Variants in NEK11 observed in about 807,000 individuals in gnomAD.
The protein encoded by NEK11 is serine/threonine-protein kinase Nek11.
Under a neutral mutation model 80.7 loss-of-function variants are expected in NEK11, and 72 were observed. The observed-to-expected ratio is 0.89, with a 90% confidence interval of 0.74 to 1.08. The LOEUF is 1.08. Ranked by LOEUF, NEK11 falls within the 50% of genes least tolerant of loss-of-function variation. NEK11 has a pLI of 0.00. For missense variants in NEK11, 764 were observed against 763.6 expected (o/e 1.00, Z -0.01); for synonymous variants, 251 against 260.7 (o/e 0.96, Z 0.36).
chr3:131,029,771 AAAGACCTTGATTG>A lies in NEK11; in HGVS notation c.64_76del (p.Lys22GlnfsTer32). On this transcript the variant is annotated frameshift_variant, in exon 3 of 18. Coordinates refer to ENST00000383366, the MANE Select transcript of NEK11 (RefSeq NM_024800.5). LOFTEE classifies it high-confidence loss of function. ...GATCAACAGCCATTTCCACTTATCCAAAGACCTTGATTGCAAGAAGATACGTGCTTCAACAAAA... is the reference window on the plus strand; with the variant it reads ...GATCAACAGCCATTTCCACTTATCCACAAGAAGATACGTGCTTCAACAAAA... 1 of 1,614,232 alleles carries A rather than the reference AAAGACCTTGATTG, an allele frequency of 6.2e-7. No homozygotes were observed. Among genetic ancestry groups the A allele is most frequent in the Non-Finnish European group, 8.5e-7 (1 of 1,180,022 alleles).
At chr3:131,073,040 TGTGACTTC>T (rs2073709168) in intron 3 of NEK11, among the ~76,000 whole-genome samples, 3 of 152,316 alleles carry the variant, frequency 2.0e-5, no homozygotes, top group Non-Finnish European at 2.9e-5. Flanking sequence ...CTTTTCTCCA[TGTGACTTC>T]CAGGAAGCCC....
At chr3:131,219,394 G>C (rs929953780) in intron 14 of NEK11, among the ~76,000 whole-genome samples, 23 of 151,986 alleles carry the variant, frequency 1.5e-4, no homozygotes, top group African/African-American at 5.6e-4. Flanking sequence ...GGTCTGTCAG[G>C]GGGTGGGGGA....
intron 17 of NEK11, among the ~76,000 whole-genome samples, chr3:131,310,727 T>C (rs2096773868): frequency 6.6e-6 from 1 of 152,176 alleles, no homozygotes; most frequent in Non-Finnish European, 1.5e-5. Context: ...ACAGTGTGTA[T>C]CTGCACAGAA....
At chr3:131,258,726 TAA>T (rs2095860740) in intron 16 of NEK11, among the ~76,000 whole-genome samples, 1 of 152,244 alleles carries the variant, frequency 6.6e-6, no homozygotes, top group Non-Finnish European at 1.5e-5. Context: ...TAATCATCTA[TAA>T]AATTCAGGTG....
At chr3:131,185,298 AC>A (rs1471557937) in intron 14 of NEK11, among the ~76,000 whole-genome samples, 1 of 152,130 alleles carries the variant, frequency 6.6e-6, no homozygotes, top group African/African-American at 2.4e-5. Flanking sequence ...TTGAAAGAAA[AC>A]TGATAGAAAG....
At chr3:131,251,350 A>G (rs2095699463) in intron 16 of NEK11, among the ~76,000 whole-genome samples, 2 of 152,022 alleles carry the variant, frequency 1.3e-5, no homozygotes, top group Admixed American at 1.3e-4. Context: ...TTAGAAGTCA[A>G]TTTTTAAAAA....
rs1553929107 is a variant in NEK11 at position 131,195,810 on chromosome 3, A to ATATAT, written c.1399+24924_1399+24928dup. Among the ~76,000 whole-genome samples, 347 of 146,750 alleles carry ATATAT rather than the reference A, an allele frequency of 2.4e-3. 4 individuals carry two copies. The highest frequency in any genetic ancestry group is 8.1e-3 in the African/African-American group (324 of 40,184). ...TATTTCAGAATATATATATATATATATATATATATAAAATTGAAGAAATTT... is the reference window on the plus strand; with the variant it reads ...TATTTCAGAATATATATATATATATATATATTATATATATAAAATTGAAGAAATTT... On this transcript the variant is annotated intron_variant, in intron 14 of 17. Coordinates refer to ENST00000383366, the MANE Select transcript of NEK11 (RefSeq NM_024800.5).
At chr3:131,088,634 T>A in intron 4 of NEK11, among the ~76,000 whole-genome samples, 1 of 152,172 alleles carries the variant, frequency 6.6e-6, no homozygotes, top group East Asian at 1.9e-4. Context: ...TCACATTATT[T>A]CATATCACCT....
chr3:131,239,486 C>T (rs2095488692), intron 15 of NEK11, among the ~76,000 whole-genome samples: 1 of 152,146 alleles, frequency 6.6e-6, no homozygotes, highest in South Asian at 2.1e-4. Flanking sequence ...TGCATCCATT[C>T]TCACTCAGAG....
intron 14 of NEK11, among the ~76,000 whole-genome samples, chr3:131,209,361 C>T (rs2150496831): frequency 6.6e-6 from 1 of 152,280 alleles, no homozygotes; most frequent in East Asian, 1.9e-4. Flanking sequence ...TTTTGATGTG[C>T]TGCTGGATTT....
In NEK11 at chr3:131,168,950, A is replaced by G. The variant is rs754243535; in HGVS notation, c.1284+13A>G. On this transcript the variant is annotated intron_variant, in intron 13 of 17. Transcript: ENST00000383366. ...AGGCAGGGAAGAGGCAAGTTTAATC[A>G]TATTCACAAGCACAAAAGTGAGGCA... 1.2e-5 allele frequency: 20 copies of G among 1,600,118 alleles called. No individual in the cohort carries two copies. In the Admixed American group the frequency reaches 1.8e-4, roughly 15 times the overall value.
At chr3:131,104,976 G>C (rs2078969661) in intron 4 of NEK11, among the ~76,000 whole-genome samples, 1 of 152,170 alleles carries the variant, frequency 6.6e-6, no homozygotes, top group African/African-American at 2.4e-5. Flanking sequence ...GTCCTACCTT[G>C]CTCTTCTTTG....
chr3:131,168,914 G>T lies in NEK11; in HGVS notation c.1261G>T (p.Glu421Ter). The T allele has an allele frequency of 6.2e-7, 1 of 1,614,026 alleles. No individual in the cohort carries two copies. The highest frequency in any genetic ancestry group is 8.5e-7 in the Non-Finnish European group (1 of 1,179,960). The change falls in exon 13 of 18, where the codon GAG becomes TAG. Residue 421 changes from glutamate to a stop codon, truncating the protein, a stop_gained. Transcript: ENST00000383366. LOFTEE classifies it high-confidence loss of function. Reference sequence around the variant, plus strand: ...TTGTTCACCCCAGGACGAGGATGAAGAGAGGTGGCAAGGCAGGGAAGAGGC... The same window carrying T: ...TTGTTCACCCCAGGACGAGGATGAATAGAGGTGGCAAGGCAGGGAAGAGGC... ...LSCSPQDEDE[E>*]RWQGREEESD... is the part of the protein sequence containing the mutation.
chr3:131,290,022 A>G (rs1464003240), intron 17 of NEK11, among the ~76,000 whole-genome samples: 1 of 152,250 alleles, frequency 6.6e-6, no homozygotes, highest in Non-Finnish European at 1.5e-5. Context: ...CTTTGATTGA[A>G]GCAGACAACT....
chr3:131,177,574 C>G (rs1032290227), intron 14 of NEK11, among the ~76,000 whole-genome samples: 1 of 152,242 alleles, frequency 6.6e-6, no homozygotes, highest in East Asian at 1.9e-4. Context: ...CTTGATTCGA[C>G]GTGAGAAGAT....
Position 131,260,348 on chromosome 3 carries a change from G to A in NEK11, c.1622-13130G>A, listed in dbSNP as rs570368947. The stretch of plus-strand genomic sequence containing the variant: ...CAAGTCATAAAACCTCTCTTGGCCT[G>A]AGTCTTCACACCTGTAAGATGAAGA... On this transcript the variant is annotated intron_variant, in intron 16 of 17. Transcript: ENST00000383366. Among the ~76,000 whole-genome samples the A allele has an allele frequency of 2.0e-5, 3 of 152,176 alleles. No homozygotes were observed. The South Asian group carries it at 6.2e-4, about 32-fold the overall frequency.
chr3:131,327,427 G>A (rs1225336228), intron 17 of NEK11: 1 of 152,322 alleles, frequency 6.6e-6, no homozygotes. Flanking sequence ...CACAGGCCAG[G>A]AGACAGGGAT....
intron 11 of NEK11, among the ~76,000 whole-genome samples, chr3:131,164,052 A>C (rs1231812498): frequency 6.6e-6 from 1 of 152,238 alleles, no homozygotes; most frequent in Admixed American, 6.5e-5. Context: ...AAAATGATTT[A>C]GAGGTGTCCT....
intron 17 of NEK11, among the ~76,000 whole-genome samples, chr3:131,300,492 C>A (rs2096649330): frequency 1.3e-5 from 2 of 152,144 alleles, no homozygotes; most frequent in Non-Finnish European, 2.9e-5. Flanking sequence ...AGATTACCTT[C>A]CAGGATTTTT....
Sources: allele counts gnomAD v4.1 joint callset (sites outside exome capture counted in the v4.1 genomes callset), GRCh38; gene constraint gnomAD v4.1.1; transcripts MANE v1.5; gene names NCBI Gene and HGNC (gene_info 2026-07-23, HGNC 2026-07-21).